ADGB: variants seen among roughly 807,000 people sequenced by gnomAD.
ADGB encodes the protein androglobin.
ADGB carries 172 observed loss-of-function variants against 210.5 expected under a neutral mutation model. The observed-to-expected ratio is 0.82, with a 90% CI of 0.72 to 0.93. The LOEUF (loss-of-function observed/expected upper bound fraction) is 0.93, where lower values mean the gene tolerates loss of function less well. Ranked by LOEUF, ADGB falls within the 40% of genes least tolerant of loss-of-function variation. The probability of loss-of-function intolerance (pLI) is 0.00; values close to 1 mark genes in which losing one functional copy is unlikely to be tolerated. For synonymous variants in ADGB, 658 were observed against 662.7 expected, an observed-to-expected ratio of 0.99 and a Z score of 0.11; for missense variants, 2,025 against 1,964.8, an observed-to-expected ratio of 1.03 and a Z score of -0.58.
intron 2 of ADGB, among the ~76,000 whole-genome samples, chr6:146,639,542 G>T (rs1422229007): frequency 6.6e-6 from 1 of 151,862 alleles, no homozygotes; most frequent in African/African-American, 2.4e-5. Flanking sequence ...GTAAGAAAAA[G>T]GAATAAAGGG....
chr6:146,637,706 T>C (rs1369115645), intron 2 of ADGB, among the ~76,000 whole-genome samples: 1 of 152,028 alleles, frequency 6.6e-6, no homozygotes, highest in East Asian at 1.9e-4. Context: ...AAATAAATTC[T>C]CCTTTCTGGA....
intron 35 of ADGB, chr6:146,807,297 A>AC: frequency 8.9e-7 from 1 of 1,122,260 alleles, no homozygotes; most frequent in Non-Finnish European, 1.3e-6. Flanking sequence ...TTTGCCTATG[A>AC]ATGTGTGGGC....
At chr6:146,799,466 G>A (rs1260204007) in intron 33 of ADGB, among the ~76,000 whole-genome samples, 2 of 150,756 alleles carry the variant, frequency 1.3e-5, no homozygotes, top group African/African-American at 4.9e-5. Context: ...CCAGGGAGGC[G>A]GAAGTTGCAG....
In ADGB at chr6:146,785,661, G is replaced by T. The variant is rs1583638150; in HGVS notation, c.4264G>T (p.Asp1422Tyr). ...TAGCGGGTTCATTAAGAAAACATCT[G>T]ATGCTGAGAGTCCGCCTATATCTGA... is the stretch of plus-strand genomic sequence containing the variant. ...YLSGFIKKTS[D>Y]AESPPISESQ... The change falls in exon 32 of 36, where the codon GAT becomes TAT. Residue 1422 changes from aspartate (D) to tyrosine (Y), a missense_variant. Transcript: ENST00000397944. The T allele has an allele frequency of 1.3e-6, 2 of 1,551,188 alleles. No individual in the cohort carries two copies.
At chr6:146,786,025 G>A (rs536140121) in intron 32 of ADGB, among the ~76,000 whole-genome samples, 32 of 151,464 alleles carry the variant, frequency 2.1e-4, no homozygotes, top group African/African-American at 7.7e-4. Context: ...GAAAGTAGCA[G>A]TATAAAACTT....
chr6:146,736,387 A>G, intron 22 of ADGB, 111 bp from the exon 23 acceptor site: 1 of 669,734 alleles, frequency 1.5e-6, no homozygotes, highest in Non-Finnish European at 2.4e-6. Context: ...GACTTTGAAT[A>G]CCATCTTACT....
intron 33 of ADGB, among the ~76,000 whole-genome samples, chr6:146,799,819 T>C (rs1260041426): frequency 6.6e-6 from 1 of 152,116 alleles, no homozygotes; most frequent in Non-Finnish European, 1.5e-5. Flanking sequence ...GTTGTTGTTG[T>C]TGTTTTCTGA....
chr6:146,741,194 A>T lies in ADGB; in HGVS notation c.3100A>T (p.Ile1034Phe). 1 of 1,551,054 alleles carries T rather than the reference A, an allele frequency of 6.4e-7. No individual in the cohort carries two copies. The highest frequency in any genetic ancestry group is 8.7e-7 in the Non-Finnish European group (1 of 1,146,598). ...YTTLPICILH[I>F]VNNDTMEQVP... is the part of the protein sequence containing the mutation. ...TACACTTCCAATCTGTATCCTACAC[A>T]TTGTTAATAATGACACAATGGAGCA... is the stretch of plus-strand genomic sequence containing the variant. Residue 1034 changes from isoleucine to phenylalanine, a missense_variant, in exon 25 of 36, where the codon ATT becomes TTT. Ile to Phe is a conservative substitution (Grantham distance 21, BLOSUM62 0). Transcript: ENST00000397944.
chr6:146,790,650 T>A (rs1357547808), intron 33 of ADGB, among the ~76,000 whole-genome samples: 1 of 152,222 alleles, frequency 6.6e-6, no homozygotes. Flanking sequence ...GTAATGCACA[T>A]ACAAGTACAG....
rs1363291442 is a variant in ADGB at position 146,801,299 on chromosome 6, A to T, written c.4634+20A>T. 2.3e-6 allele frequency: 3 copies of T among 1,313,024 alleles called. No individual in the cohort carries two copies. The highest frequency in any genetic ancestry group is 3.1e-6 in the Non-Finnish European group (3 of 967,140). 81.3% of individuals were successfully genotyped at this position (1,313,024 alleles called of 1,614,324 possible). A position where few individuals can be genotyped will look rare whatever the true frequency, so the allele number is the denominator to read the frequency against. On this transcript the variant is annotated intron_variant, in intron 34 of 35. Transcript: ENST00000397944. The stretch of plus-strand genomic sequence containing the variant: ...TGTTCGGTAAGTTTTCATAAACATG[A>T]TTGATGCAGACAACTGTGTGTTTTG...
intron 29 of ADGB, among the ~76,000 whole-genome samples, chr6:146,773,684 A>G (rs1341275219): frequency 6.6e-6 from 1 of 152,200 alleles, no homozygotes; most frequent in East Asian, 1.9e-4. Flanking sequence ...GGTTCGAAGG[A>G]GCAGAGTGAA....
intron 33 of ADGB, among the ~76,000 whole-genome samples, chr6:146,800,604 C>A (rs889811010): frequency 4.6e-5 from 7 of 152,118 alleles, no homozygotes; most frequent in African/African-American, 1.7e-4. Flanking sequence ...TCTTTTAAAT[C>A]TGTTCTTGTG....
chr6:146,616,268 G>A (rs1408967213), intron 1 of ADGB, among the ~76,000 whole-genome samples: 1 of 142,274 alleles, frequency 7.0e-6, no homozygotes, highest in Non-Finnish European at 1.5e-5. Context: ...TATTATTTGG[G>A]TTTTTTTTTT....
chr6:146,661,039 G>A (rs1291026431), intron 5 of ADGB, among the ~76,000 whole-genome samples: 1 of 151,928 alleles, frequency 6.6e-6, no homozygotes. Context: ...GTGCTTTCAA[G>A]CAAATCTCTT....
At chr6:146,647,364 T>C (rs1045696449) in intron 3 of ADGB, among the ~76,000 whole-genome samples, 1 of 152,004 alleles carries the variant, frequency 6.6e-6, no homozygotes, top group Non-Finnish European at 1.5e-5. Flanking sequence ...GAGAAATCTT[T>C]TTTAGTGTGA....
intron 1 of ADGB, among the ~76,000 whole-genome samples, chr6:146,604,597 G>T (rs1780606609): frequency 6.6e-6 from 1 of 151,954 alleles, no homozygotes; most frequent in Non-Finnish European, 1.5e-5. Flanking sequence ...TTCAGTGAAA[G>T]AAACTTTCCC....
At chr6:146,651,994 A>G (rs1335451981) in intron 3 of ADGB, among the ~76,000 whole-genome samples, 1 of 152,216 alleles carries the variant, frequency 6.6e-6, no homozygotes, top group African/African-American at 2.4e-5. Flanking sequence ...TTCTGATCAC[A>G]GAGTAACTTA....
Position 146,672,400 on chromosome 6 carries a change from G to T in ADGB, c.1020G>T (p.Lys340Asn). 1 of 1,551,316 alleles carries T rather than the reference G, an allele frequency of 6.4e-7. No individual in the cohort carries two copies. The highest frequency in any genetic ancestry group is 8.7e-7 in the Non-Finnish European group (1 of 1,146,798). The part of the protein sequence containing the change: ...IKDGKEVKDV[K>N]EFKPESSLTT... The stretch of plus-strand genomic sequence containing the variant: ...ATGGAAAGGAAGTAAAAGACGTGAA[G>T]GAATTCAAACCTGAAAGTTCTTTGA... Residue 340 changes from lysine (K) to asparagine (N), a missense_variant, in exon 8 of 36, where the codon AAG becomes AAT. Coordinates refer to ENST00000397944, the MANE Select transcript of ADGB (RefSeq NM_024694.4).
chr6:146,749,995 G>A (rs1187560112), intron 26 of ADGB, among the ~76,000 whole-genome samples: 1 of 152,028 alleles, frequency 6.6e-6, no homozygotes, highest in Non-Finnish European at 1.5e-5. Context: ...CATGAGATTT[G>A]GGTGGGGACA....
Sources: gnomAD v4.1 joint callset for allele counts (sites outside exome capture counted in the v4.1 genomes callset) on GRCh38, gnomAD v4.1.1 for gene constraint, MANE v1.5 for transcripts, NCBI Gene and HGNC (gene_info 2026-07-23, HGNC 2026-07-21) for gene names.